The following GFY variants were observed in gnomAD, a reference collection of about 807,000 sequenced individuals.
The protein encoded by GFY is golgi associated olfactory signaling regulator.
Under a neutral mutation model 29.1 loss-of-function variants are expected in GFY, and 28 were observed. That is an observed-to-expected ratio of 0.96 (90% confidence interval 0.71 to 1.32). The LOEUF (loss-of-function observed/expected upper bound fraction) is 1.32, where lower values mean the gene tolerates loss of function less well. GFY is among the 40% of genes most tolerant of loss of function. GFY has a pLI of 0.00. For missense variants in GFY, 656 were observed against 661.9 expected, an observed-to-expected ratio of 0.99 and a Z score of 0.10; for synonymous variants, 277 against 274.5, an observed-to-expected ratio of 1.01 and a Z score of -0.09.
Position 49,426,646 on chromosome 19 carries a change from A to G in GFY, c.216A>G (p.Leu72=). The G allele has an allele frequency of 1.3e-6, 2 of 1,535,770 alleles. No individual in the cohort carries two copies. Among genetic ancestry groups the G allele is most frequent in the South Asian group, 2.4e-5 (2 of 84,024 alleles). ...CTCCTTACCCTGAGCCTTCCAAGCTACCTCATACGGTTTCCCTGGAAACCT... is the reference window on the plus strand; with the variant it reads ...CTCCTTACCCTGAGCCTTCCAAGCTGCCTCATACGGTTTCCCTGGAAACCT... The part of the protein sequence containing the change: ...PGTPYPEPSK[L]PHTVSLETFP... Residue 72 remains leucine (L), a synonymous_variant, in exon 2 of 4, where the codon CTA becomes CTG. Transcript: ENST00000610896.
Position 49,426,971 on chromosome 19 carries a change from TC to T in GFY, c.545del (p.Pro182GlnfsTer66). On this transcript the variant is annotated frameshift_variant, in exon 2 of 4. Transcript: ENST00000610896. LOFTEE classifies it high-confidence loss of function. ...TDLMQTTPQESPEILQLNATE... is the reference protein window; with the variant it reads ...TDLMQTTPQEXPEILQLNATE... ...CCTTATGCAAACTACACCCCAAGAA[TC>T]CCCAGAGATTCTGCAGCTTAATGCC... The T allele has an allele frequency of 6.5e-7, 1 of 1,535,046 alleles. No homozygotes were observed. Among genetic ancestry groups the T allele is most frequent in the African/African-American group, 1.4e-5 (1 of 72,710 alleles).
Position 49,428,624 on chromosome 19 carries a change from CA to C in GFY, c.1364del (p.His455LeufsTer?). ...LPDDGDEPVL[H>X]LDAPKDPYDL... The stretch of plus-strand genomic sequence containing the variant: ...ACGCCCCTTTGCACCCACAGTTCTG[CA>C]TTTGGACGCCCCGAAAGACCCCTAC... On this transcript the variant is annotated frameshift_variant, in exon 4 of 4. Coordinates refer to ENST00000610896, the MANE Select transcript of GFY (RefSeq NM_001195256.2). LOFTEE classifies it high-confidence loss of function. 5 of 1,473,988 alleles carry C rather than the reference CA, an allele frequency of 3.4e-6. No individual in the cohort carries two copies. The highest frequency in any genetic ancestry group is 4.5e-6 in the Non-Finnish European group (5 of 1,105,716). The allele number at this position is 1,473,988 out of a possible 1,614,324, so 91.3% of individuals were successfully genotyped here.
intron 2 of GFY, 35 bp from the exon 3 acceptor site, chr19:49,427,911 G>T (rs1002667801): frequency 2.0e-6 from 3 of 1,518,738 alleles, no homozygotes; most frequent in Admixed American, 4.0e-5. Flanking sequence ...GAGAGGAGGG[G>T]GTTAGGAGCT....
chr19:49,428,753 C>A lies in GFY; in HGVS notation c.1492C>A (p.Arg498Ser). The A allele has an allele frequency of 6.6e-7, 1 of 1,514,260 alleles. No individual in the cohort carries two copies. The highest frequency in any genetic ancestry group is 1.2e-5 in the South Asian group (1 of 81,452). 93.8% of individuals were successfully genotyped at this position (1,514,260 alleles called of 1,614,324 possible). A position where few individuals can be genotyped will look rare whatever the true frequency, so the allele number is the denominator to read the frequency against. ...PLPPKLPPPP[R>S]GGRPQRLEAL... ...GCCACCAAAGCTGCCCCCGCCGCCC[C>A]GCGGGGGTCGCCCGCAGCGTCTGGA... The change falls in exon 4 of 4, where the codon CGC becomes AGC. Residue 498 changes from arginine (R) to serine (S), a missense_variant. Physicochemically the swap from Arg to Ser is moderately radical, Grantham distance 110. Coordinates refer to ENST00000610896, the MANE Select transcript of GFY (RefSeq NM_001195256.2).
At chr19:49,427,886 G>A in intron 2 of GFY, 60 bp from the exon 3 acceptor site, 1 of 1,491,306 alleles carries the variant, frequency 6.7e-7, no homozygotes, top group African/African-American at 1.4e-5. Context: ...TAGGAGCTTG[G>A]ACCCCTGGGT....
rs1475826879 is a variant in GFY, at chr19:49,426,920, G to A, written c.490G>A (p.Glu164Lys). 3 of 1,535,732 alleles carry A rather than the reference G, an allele frequency of 2.0e-6. No individual in the cohort carries two copies. Among genetic ancestry groups the A allele is most frequent in the East Asian group, 4.9e-5 (2 of 40,904 alleles). ...KPNFSKTSRP[E>K]FPETPNTDLM... ...TAACTTCTCCAAAACTTCACGCCCA[G>A]AATTTCCTGAGACCCCAAACACTGA... The change falls in exon 2 of 4, where the codon GAA becomes AAA. Residue 164 changes from glutamate (E) to lysine (K), a missense_variant. Coordinates refer to ENST00000610896, the MANE Select transcript of GFY (RefSeq NM_001195256.2).
In GFY at chr19:49,427,091, T is replaced by C; in HGVS notation, c.661T>C (p.Ser221Pro). 1 of 1,534,262 alleles carries C rather than the reference T, an allele frequency of 6.5e-7. No individual in the cohort carries two copies. The highest frequency in any genetic ancestry group is 8.7e-7 in the Non-Finnish European group (1 of 1,146,570). Reference protein sequence around the residue: ...PKSPEKHDLNSTETPNSEFLQ... With the variant: ...PKSPEKHDLNPTETPNSEFLQ... The stretch of plus-strand genomic sequence containing the variant: ...ATCCCCAGAAAAGCATGACCTCAAC[T>C]CCACTGAGACCCCAAACTCTGAATT... The change falls in exon 2 of 4, where the codon TCC (serine) becomes CCC (proline). Residue 221 changes from serine (S) to proline (P), a missense_variant. Physicochemically the swap from Ser to Pro is moderately conservative, Grantham distance 74. Transcript: ENST00000610896.
intron 1 of GFY, among the ~76,000 whole-genome samples, chr19:49,426,197 T>C (rs1219385381): frequency 6.6e-6 from 1 of 152,204 alleles, no homozygotes; most frequent in Non-Finnish European, 1.5e-5. Context: ...GACTCCCAAG[T>C]AGCCCCGCGC....
intron 2 of GFY, 105 bp from the exon 3 acceptor site, chr19:49,427,841 G>A (rs1481864717): frequency 1.4e-6 from 2 of 1,388,726 alleles, no homozygotes; most frequent in Non-Finnish European, 1.9e-6. Flanking sequence ...GAAGGGTTTG[G>A]GAACAGGAAT....
Position 49,427,589 on chromosome 19 carries a change from G to A in GFY, c.1159G>A (p.Val387Met), listed in dbSNP as rs564134774. 92 of 1,479,056 alleles carry A rather than the reference G, an allele frequency of 6.2e-5. No individual in the cohort carries two copies. In the African/African-American group the frequency reaches 1.0e-3, roughly 16 times the overall value. 91.6% of individuals were successfully genotyped at this position (1,479,056 alleles called of 1,614,324 possible). Residue 387 changes from valine (V) to methionine (M), a missense_variant, in exon 2 of 4, where the codon GTG becomes ATG. By Grantham distance (21) the Val-to-Met change is conservative. Transcript: ENST00000610896. The stretch of plus-strand genomic sequence containing the variant: ...AGGTGAGGGAGTCAACACCATCATC[G>A]TGGTGGAGCGAGTGAAGGAGACCGG... ...SRGEGVNTII[V>M]VERVKETGVT... is the part of the protein sequence containing the mutation.
At chr19:49,425,981 C>A (rs1600976860) in intron 1 of GFY, among the ~76,000 whole-genome samples, 1 of 152,166 alleles carries the variant, frequency 6.6e-6, no homozygotes, top group Admixed American at 6.5e-5. Context: ...GAGTCCAGCC[C>A]TCAGCCGTTA....
At position 49,426,400 on chromosome 19, in the gene GFY, TC is replaced by T. The variant is rs759354741; in HGVS notation, c.-21-5del. ...GGCCTTAACCCCTTCCTTCCCGCTC[TC>T]CCCCGCAGCTATAGGTATCTGCCAG... On this transcript the variant is annotated splice_polypyrimidine_tract_variant and intron_variant, in intron 1 of 3. Coordinates refer to ENST00000610896, the MANE Select transcript of GFY (RefSeq NM_001195256.2). 4.0e-5 allele frequency: 59 copies of T among 1,489,786 alleles called. No individual in the cohort carries two copies. The African/African-American group carries it at 6.7e-4, about 17-fold the overall frequency. 92.3% of individuals were successfully genotyped at this position (1,489,786 alleles called of 1,614,324 possible).
Position 49,428,678 on chromosome 19 carries a change from T to C in GFY, c.1417T>C (p.Trp473Arg). ...YDLYFYAPDTWVPSHIATKQP... is the reference protein window; with the variant it reads ...YDLYFYAPDTRVPSHIATKQP... ...CCTCTACTTTTATGCTCCGGATACCTGGGTCCCTTCCCACATCGCCACCAA... is the reference window on the plus strand; with the variant it reads ...CCTCTACTTTTATGCTCCGGATACCCGGGTCCCTTCCCACATCGCCACCAA... The change falls in exon 4 of 4, where the codon TGG (tryptophan) becomes CGG (arginine). Residue 473 changes from tryptophan to arginine, a missense_variant. Trp to Arg is a moderately radical substitution (Grantham distance 101, BLOSUM62 -3). Transcript: ENST00000610896. The C allele has an allele frequency of 6.5e-7, 1 of 1,531,432 alleles. No individual in the cohort carries two copies. The highest frequency in any genetic ancestry group is 1.2e-5 in the South Asian group (1 of 83,538). The allele number at this position is 1,531,432 out of a possible 1,614,324, so 94.9% of individuals were successfully genotyped here. A position where few individuals can be genotyped will look rare whatever the true frequency, so the allele number is the denominator to read the frequency against.
rs1408911430 is a variant in GFY at position 49,427,570 on chromosome 19, G to C, written c.1140G>C (p.Glu380Asp). Residue 380 changes from glutamate to aspartate, a missense_variant, in exon 2 of 4, where the codon GAG (glutamate) becomes GAC (aspartate). Glu to Asp is a conservative substitution (Grantham distance 45). Coordinates refer to ENST00000610896, the MANE Select transcript of GFY (RefSeq NM_001195256.2). ...LRAPQRHSRG[E>D]GVNTIIVVER... ...CACCCCAGAGGCACAGCCGAGGTGAGGGAGTCAACACCATCATCGTGGTGG... is the reference window on the plus strand; with the variant it reads ...CACCCCAGAGGCACAGCCGAGGTGACGGAGTCAACACCATCATCGTGGTGG... The C allele has an allele frequency of 1.4e-5, 21 of 1,495,330 alleles. No individual in the cohort carries two copies. Among genetic ancestry groups the C allele is most frequent in the Non-Finnish European group, 1.8e-5 (20 of 1,129,552 alleles). The allele number at this position is 1,495,330 out of a possible 1,614,324, so 92.6% of individuals were successfully genotyped here. A position where few individuals can be genotyped will look rare whatever the true frequency, so the allele number is the denominator to read the frequency against.
At chr19:49,426,308 A>G (rs1377522952) in intron 1 of GFY, 102 bp from the exon 2 acceptor site, 10 of 1,432,988 alleles carry the variant, frequency 7.0e-6, no homozygotes, top group Non-Finnish European at 8.2e-6. Context: ...GGCCCCGGAC[A>G]GACGTGGTCC....
At chr19:49,425,825 A>G (rs1975066032) in intron 1 of GFY, among the ~76,000 whole-genome samples, 1 of 151,968 alleles carries the variant, frequency 6.6e-6, no homozygotes, top group African/African-American at 2.4e-5. Flanking sequence ...TCAAAATTCT[A>G]GGCACCTGAA....
chr19:49,427,588 C>G lies in GFY; in HGVS notation c.1158C>G (p.Ile386Met). Residue 386 changes from isoleucine (I) to methionine (M), a missense_variant, in exon 2 of 4, where the codon ATC (isoleucine) becomes ATG (methionine). Coordinates refer to ENST00000610896, the MANE Select transcript of GFY (RefSeq NM_001195256.2). ...HSRGEGVNTI[I>M]VVERVKETGV... ...GAGGTGAGGGAGTCAACACCATCAT[C>G]GTGGTGGAGCGAGTGAAGGAGACCG... The G allele has an allele frequency of 6.8e-7, 1 of 1,478,956 alleles. No homozygotes were observed. Among genetic ancestry groups the G allele is most frequent in the Non-Finnish European group, 8.9e-7 (1 of 1,121,494 alleles). The allele number at this position is 1,478,956 out of a possible 1,614,324, so 91.6% of individuals were successfully genotyped here. A position where few individuals can be genotyped will look rare whatever the true frequency, so the allele number is the denominator to read the frequency against.
At chr19:49,425,252 G>C (rs1296705500), upstream of GFY, among the ~76,000 whole-genome samples, 1 of 152,086 alleles carries the variant, frequency 6.6e-6, no homozygotes, top group Non-Finnish European at 1.5e-5. Flanking sequence ...ATCTCCACTA[G>C]ATCAATCCAG....
At chr19:49,428,417 C>G (rs904423225) in intron 3 of GFY, among the ~76,000 whole-genome samples, 1 of 152,166 alleles carries the variant, frequency 6.6e-6, no homozygotes, top group Admixed American at 6.5e-5. Flanking sequence ...CTGCAGGCCC[C>G]GCCGCTGCTG....
Sources: gnomAD v4.1 joint callset for allele counts (sites outside exome capture counted in the v4.1 genomes callset) on GRCh38, gnomAD v4.1.1 for gene constraint, MANE v1.5 for transcripts, NCBI Gene and HGNC (gene_info 2026-07-23, HGNC 2026-07-21) for gene names.